Variants in PPM1L observed in about 807,000 individuals in gnomAD.
The protein encoded by PPM1L is protein phosphatase, Mg2+/Mn2+ dependent 1L.
A neutral mutation model predicts 31.4 loss-of-function variants in PPM1L; 13 were observed. The ratio of observed to expected loss-of-function variants is 0.41; its 90% CI spans 0.27 to 0.66. The LOEUF (loss-of-function observed/expected upper bound fraction) is 0.66, where lower values mean the gene tolerates loss of function less well. PPM1L is among the 30% of genes least tolerant of loss of function. PPM1L has a pLI of 0.29. For missense variants in PPM1L, 326 were observed against 453.7 expected (o/e 0.72, Z 2.56); for synonymous variants, 184 against 175.4 (o/e 1.05, Z -0.39).
chr3:160,793,465 T>TGA lies in PPM1L; in HGVS notation c.399+36763_399+36764dup, dbSNP rs61200978. ...TCAAGTCGTTATGATCTGTGGCATG[T>TGA]GAGAGATGACCTATGGTTACCCTGT... On this transcript the variant is annotated intron_variant, in intron 1 of 3. Coordinates refer to ENST00000498165, the MANE Select transcript of PPM1L (RefSeq NM_139245.4). 5.2e-3 allele frequency among the ~76,000 whole-genome samples: 794 copies of TGA among 152,284 alleles called. 8 individuals are homozygous for TGA. Among genetic ancestry groups the TGA allele is most frequent in the African/African-American group, 0.018 (733 of 41,550 alleles).
chr3:160,767,914 A>C (rs1423632509), intron 1 of PPM1L, among the ~76,000 whole-genome samples: 3 of 152,194 alleles, frequency 2.0e-5, no homozygotes, highest in Non-Finnish European at 1.5e-5. Flanking sequence ...TAAATGAATT[A>C]ATTTTCAGTT....
At chr3:161,034,888 G>C (rs1483455918) in intron 2 of PPM1L, among the ~76,000 whole-genome samples, 1 of 149,512 alleles carries the variant, frequency 6.7e-6, no homozygotes, top group Non-Finnish European at 1.5e-5. Context: ...TATACACCAT[G>C]GAATACTATG....
chr3:161,069,374 CA>C lies in PPM1L; in HGVS notation c.*219del, dbSNP rs1719841947. The C allele has an allele frequency of 3.6e-6, 2 of 558,908 alleles. No homozygotes were observed. The highest frequency in any genetic ancestry group is 2.3e-5 in the South Asian group (1 of 42,826). The allele number at this position is 558,908 out of a possible 1,614,324, so 34.6% of individuals were successfully genotyped here. On this transcript the variant is annotated 3_prime_UTR_variant, in exon 4 of 4. Coordinates refer to ENST00000498165, the MANE Select transcript of PPM1L (RefSeq NM_139245.4). ...GGAAAATGGTTTCTTCATGTTTTCC[CA>C]ACTCTTTCATCCAGTGTCCAAAATA...
At chr3:161,056,321 T>C (rs917976306) in intron 2 of PPM1L, among the ~76,000 whole-genome samples, 1 of 152,212 alleles carries the variant, frequency 6.6e-6, no homozygotes, top group Non-Finnish European at 1.5e-5. Context: ...GCTGTCATCA[T>C]TGTCACCACT....
At chr3:160,844,775 A>G (rs1714022341) in intron 1 of PPM1L, among the ~76,000 whole-genome samples, 1 of 152,102 alleles carries the variant, frequency 6.6e-6, no homozygotes, top group Admixed American at 6.6e-5. Flanking sequence ...TCACCCATAT[A>G]AAGTGTACAA....
At chr3:161,017,835 CAG>C (rs756843845) in intron 2 of PPM1L, among the ~76,000 whole-genome samples, 6 of 152,016 alleles carry the variant, frequency 3.9e-5, no homozygotes, top group Non-Finnish European at 8.8e-5. Flanking sequence ...AGGGGAAAAA[CAG>C]AGTTTTTGCA....
intron 1 of PPM1L, among the ~76,000 whole-genome samples, chr3:160,944,083 T>A (rs1715246814): frequency 6.6e-6 from 1 of 152,050 alleles, no homozygotes. Flanking sequence ...GTATAGGACA[T>A]AAAGATAGGA....
chr3:160,912,832 C>T (rs1714021854), intron 1 of PPM1L, among the ~76,000 whole-genome samples: 1 of 152,094 alleles, frequency 6.6e-6, no homozygotes, highest in Non-Finnish European at 1.5e-5. Flanking sequence ...ATCCCTTCCC[C>T]AAAGATTTTA....
intron 2 of PPM1L, among the ~76,000 whole-genome samples, chr3:161,005,993 A>G (rs530416595): frequency 3.3e-5 from 5 of 152,318 alleles, no homozygotes; most frequent in Admixed American, 6.5e-5. Context: ...AAAAAATACA[A>G]TTTTAAAAGA....
chr3:161,003,759 T>G (rs1157102864), intron 2 of PPM1L, among the ~76,000 whole-genome samples: 1 of 152,242 alleles, frequency 6.6e-6, no homozygotes, highest in East Asian at 1.9e-4. Context: ...TGGGGTTTTC[T>G]AGATATACAA....
chr3:160,935,424 G>A (rs1461183858), intron 1 of PPM1L, among the ~76,000 whole-genome samples: 2 of 152,192 alleles, frequency 1.3e-5, no homozygotes, highest in African/African-American at 4.8e-5. Context: ...ATCTGTATGT[G>A]TATATAAATG....
In PPM1L at chr3:160,853,960, G is replaced by A. The variant is rs138521709; in HGVS notation, c.399+97253G>A. Among the ~76,000 whole-genome samples, 389 of 152,244 alleles carry A rather than the reference G, an allele frequency of 2.6e-3. 3 individuals carry two copies. Among genetic ancestry groups the A allele is most frequent in the African/African-American group, 8.9e-3 (370 of 41,546 alleles). ...CCTATACTGGACTTTCCCTACACAA[G>A]TAGGTACTTATATTCTGATCACAAG... On this transcript the variant is annotated intron_variant, in intron 1 of 3. Transcript: ENST00000498165.
Position 161,071,566 on chromosome 3 carries a change from A to G in PPM1L, c.*2409A>G, listed in dbSNP as rs1559945051. The G allele has an allele frequency of 6.6e-6, 1 of 152,208 alleles. No homozygotes were observed. The highest frequency in any genetic ancestry group is 2.1e-4 in the South Asian group (1 of 4,824). The allele number at this position is 152,208 out of a possible 1,614,324, so 9.4% of individuals were successfully genotyped here. On this transcript the variant is annotated 3_prime_UTR_variant, in exon 4 of 4. Coordinates refer to ENST00000498165, the MANE Select transcript of PPM1L (RefSeq NM_139245.4). ...TTCTGATGTTAACCAAATAGAGTGTATATATCCTACTCCCATTACTGCCTC... is the reference window on the plus strand; with the variant it reads ...TTCTGATGTTAACCAAATAGAGTGTGTATATCCTACTCCCATTACTGCCTC...
At chr3:161,011,711 TCTC>T (rs1238454657) in intron 2 of PPM1L, among the ~76,000 whole-genome samples, 6 of 152,176 alleles carry the variant, frequency 3.9e-5, no homozygotes, top group Non-Finnish European at 7.3e-5. Context: ...GGTTTATAGT[TCTC>T]CTTGAAGAGG....
intron 2 of PPM1L, among the ~76,000 whole-genome samples, chr3:160,997,356 C>T (rs183134942): frequency 1.2e-4 from 18 of 152,260 alleles, no homozygotes; most frequent in Non-Finnish European, 2.2e-4. Context: ...CTCTGTTCCT[C>T]ACCAGTTATC....
At chr3:160,871,808 A>G (rs115936138) in intron 1 of PPM1L, among the ~76,000 whole-genome samples, 4 of 150,766 alleles carry the variant, frequency 2.7e-5, no homozygotes, top group Admixed American at 1.3e-4. Flanking sequence ...TTTTACATGT[A>G]GGTGTCATTT....
chr3:161,013,427 G>A (rs946005411), intron 2 of PPM1L, among the ~76,000 whole-genome samples: 9 of 152,186 alleles, frequency 5.9e-5, no homozygotes, highest in Non-Finnish European at 1.0e-4. Flanking sequence ...ATTTGCTGAG[G>A]AGTGCTTTAC....
At chr3:161,049,193 A>G (rs1416745429) in intron 2 of PPM1L, among the ~76,000 whole-genome samples, 2 of 151,854 alleles carry the variant, frequency 1.3e-5, no homozygotes, top group Non-Finnish European at 2.9e-5. Context: ...TGGGAGGATC[A>G]CTTGAGGTGA....
intron 1 of PPM1L, among the ~76,000 whole-genome samples, chr3:160,840,759 G>GGA (rs374281931): frequency 3.4e-4 from 50 of 145,490 alleles, no homozygotes; most frequent in African/African-American, 1.1e-3. Context: ...AGAGAAAGAA[G>GGA]GAGAGAGAGA....
Sources: gnomAD v4.1 joint callset for allele counts (sites outside exome capture counted in the v4.1 genomes callset) on GRCh38, gnomAD v4.1.1 for gene constraint, MANE v1.5 for transcripts, NCBI Gene and HGNC (gene_info 2026-07-23, HGNC 2026-07-21) for gene names.